LRP1B: variants seen among roughly 807,000 people sequenced by gnomAD.
The protein encoded by LRP1B is low-density lipoprotein receptor-related protein 1B.
A neutral mutation model predicts 556.6 loss-of-function variants in LRP1B; 217 were observed. The observed-to-expected ratio is 0.39, with a 90% confidence interval of 0.35 to 0.44. The LOEUF (loss-of-function observed/expected upper bound fraction) is 0.44, where lower values mean the gene tolerates loss of function less well. Among genes scored for constraint, LRP1B ranks in the 20% least tolerant of loss-of-function variants. The probability of loss-of-function intolerance (pLI) is 1.00; values close to 1 mark genes in which losing one functional copy is unlikely to be tolerated. For missense variants in LRP1B, 5,053 were observed against 5,620.8 expected, an observed-to-expected ratio of 0.90 and a Z score of 3.23; for synonymous variants, 2,047 against 1,865.8, an observed-to-expected ratio of 1.10 and a Z score of -2.50.
intron 7 of LRP1B, among the ~76,000 whole-genome samples, chr2:141,096,413 C>T (rs539128231): frequency 3.3e-5 from 5 of 152,000 alleles, no homozygotes; most frequent in Non-Finnish European, 2.9e-5. Context: ...CATGGTGAAA[C>T]CCCGTCTCTA....
intron 2 of LRP1B, among the ~76,000 whole-genome samples, chr2:141,637,623 A>G (rs1689149213): frequency 6.6e-6 from 1 of 152,216 alleles, no homozygotes; most frequent in African/African-American, 2.4e-5. Flanking sequence ...TTGAATCACA[A>G]TGTAAGGCAG....
chr2:142,074,499 C>T (rs1398806638), intron 1 of LRP1B, among the ~76,000 whole-genome samples: 2 of 151,988 alleles, frequency 1.3e-5, no homozygotes, highest in Non-Finnish European at 2.9e-5. Flanking sequence ...GAGATGATTC[C>T]TGAATCTTCA....
chr2:142,122,302 A>C (rs1707484753), intron 1 of LRP1B, among the ~76,000 whole-genome samples: 1 of 152,166 alleles, frequency 6.6e-6, no homozygotes, highest in African/African-American at 2.4e-5. Context: ...TGACAAGATC[A>C]CTAGCAAGTG....
chr2:140,371,946 A>G (rs1373427497), intron 69 of LRP1B, among the ~76,000 whole-genome samples: 1 of 152,094 alleles, frequency 6.6e-6, no homozygotes, highest in Non-Finnish European at 1.5e-5. Flanking sequence ...TGTTATTTAC[A>G]AGTGTAATAT....
At chr2:141,737,816 T>A (rs1693546145) in intron 2 of LRP1B, among the ~76,000 whole-genome samples, 1 of 152,144 alleles carries the variant, frequency 6.6e-6, no homozygotes. Context: ...GCTTTTTTCT[T>A]CCAGTGTTTC....
chr2:141,185,443 C>T (rs186827956), intron 7 of LRP1B, among the ~76,000 whole-genome samples: 5 of 152,026 alleles, frequency 3.3e-5, no homozygotes, highest in Admixed American at 3.3e-4. Context: ...TTCCAAGGAA[C>T]TATTGAAAGG....
chr2:140,922,885 T>G, intron 21 of LRP1B, 80 bp downstream of exon 21: 59 of 1,199,836 alleles, frequency 4.9e-5, no homozygotes, highest in Non-Finnish European at 6.6e-5. Flanking sequence ...TTTACAAAGG[T>G]GAGATACAGA....
rs563543570 is a variant in LRP1B at position 140,250,161 on chromosome 2, T to C, written c.13248-2999A>G. Among the ~76,000 whole-genome samples the C allele has an allele frequency of 1.1e-4, 16 of 151,964 alleles. No homozygotes were observed. The Middle Eastern group carries it at 0.01, about 97-fold the overall frequency. On this transcript the variant is annotated intron_variant, in intron 86 of 90. Transcript: ENST00000389484. ...AATCTTTTCTTGTTTTTGTTTTGTT[T>C]TGTCTCACCGTAGCAAACAGCTCTG...
rs148935362 is a variant in LRP1B at position 141,185,683 on chromosome 2, C to CAAAAA, written c.1013+2737_1013+2738insTTTTT. Among the ~76,000 whole-genome samples, 16 of 74,342 alleles carry CAAAAA rather than the reference C, an allele frequency of 2.2e-4. 1 individual carries two copies. The highest frequency in any genetic ancestry group is 6.3e-4 in the African/African-American group (13 of 20,658). 48.8% of individuals were successfully genotyped at this position (74,342 alleles called of 152,430 possible). ...AAACCATGGAGAACTGAAAAACAAA[C>CAAAAA]AAACAAAAAAAAACAAAAAAAAAAA... On this transcript the variant is annotated intron_variant, in intron 7 of 90. Transcript: ENST00000389484.
At chr2:140,274,780 A>C (rs937252072) in intron 84 of LRP1B, among the ~76,000 whole-genome samples, 182 bp from the exon 85 acceptor site, 3 of 131,436 alleles carry the variant, frequency 2.3e-5, no homozygotes, top group African/African-American at 8.3e-5. Context: ...TCCTCTTTGA[A>C]TTAGGCATCA....
intron 20 of LRP1B, among the ~76,000 whole-genome samples, chr2:140,935,568 A>G (rs1695178951): frequency 6.6e-6 from 1 of 152,114 alleles, no homozygotes; most frequent in Non-Finnish European, 1.5e-5. Flanking sequence ...AGAGCAATAT[A>G]TAAATTTTCC....
chr2:141,339,204 T>G (rs186205926), intron 3 of LRP1B, among the ~76,000 whole-genome samples: 1 of 104,694 alleles, frequency 9.6e-6, no homozygotes, highest in East Asian at 2.0e-4. Flanking sequence ...CTACATTTTA[T>G]GTCTATAAAT....
rs968399507 is a variant in LRP1B at position 141,495,802 on chromosome 2, A to G, written c.206-15269T>C. On this transcript the variant is annotated intron_variant, in intron 2 of 90. Coordinates refer to ENST00000389484, the MANE Select transcript of LRP1B (RefSeq NM_018557.3). ...CTATAAGCAACAAATATATAAATAT[A>G]CACATATATATCTGTCACTTCTAGA... Among the ~76,000 whole-genome samples, 4 of 152,238 alleles carry G rather than the reference A, an allele frequency of 2.6e-5. No individual in the cohort carries two copies. In the South Asian group the frequency reaches 8.3e-4, roughly 32 times the overall value.
At chr2:141,773,333 C>T (rs1694961022) in intron 2 of LRP1B, among the ~76,000 whole-genome samples, 1 of 152,146 alleles carries the variant, frequency 6.6e-6, no homozygotes, top group South Asian at 2.1e-4. Flanking sequence ...GGGAATACAT[C>T]ATTAAACCCT....
chr2:141,018,282 G>A (rs1307723415), intron 12 of LRP1B, among the ~76,000 whole-genome samples: 2 of 151,996 alleles, frequency 1.3e-5, no homozygotes, highest in Non-Finnish European at 2.9e-5. Flanking sequence ...GTCAAAATAA[G>A]CTCTTTCCTC....
intron 25 of LRP1B, among the ~76,000 whole-genome samples, chr2:140,878,758 G>C (rs1047580295): frequency 6.6e-6 from 1 of 152,018 alleles, no homozygotes; most frequent in Non-Finnish European, 1.5e-5. Context: ...TGTAATCCTA[G>C]CATTTTGGGA....
At chr2:141,840,894 C>A (rs1574416781) in intron 1 of LRP1B, among the ~76,000 whole-genome samples, 1 of 148,000 alleles carries the variant, frequency 6.8e-6, no homozygotes, top group Non-Finnish European at 1.5e-5. Context: ...TACCTAAATT[C>A]ATTATTTTAA....
intron 20 of LRP1B, among the ~76,000 whole-genome samples, chr2:140,929,251 A>C (rs936035932): frequency 2.0e-5 from 3 of 152,152 alleles, no homozygotes; most frequent in Non-Finnish European, 4.4e-5. Context: ...CAATGTCTTA[A>C]ATGCTCTGAT....
chr2:140,860,975 C>CATCT (rs35339728), intron 27 of LRP1B, among the ~76,000 whole-genome samples: 28,372 of 145,766 alleles, frequency 0.19, 2,795 homozygotes, highest in East Asian at 0.23. Context: ...GAGAATTGTG[C>CATCT]ATCTATCTAT....
Sources: gnomAD v4.1 joint callset for allele counts (sites outside exome capture counted in the v4.1 genomes callset) on GRCh38, gnomAD v4.1.1 for gene constraint, MANE v1.5 for transcripts, NCBI Gene and HGNC (gene_info 2026-07-23, HGNC 2026-07-21) for gene names.